The following IGFL2 variants were observed in gnomAD, a reference collection of about 807,000 sequenced individuals.
IGFL2 encodes the protein insulin growth factor-like family member 2.
In IGFL2, 7 loss-of-function variants were observed where a neutral mutation model predicts 13.9. The ratio of observed to expected loss-of-function variants is 0.51; its 90% CI spans 0.29 to 0.95. The LOEUF (loss-of-function observed/expected upper bound fraction) is 0.95. IGFL2 is among the 40% of genes least tolerant of loss of function. IGFL2 has a pLI of 0.08. For missense variants in IGFL2, 138 were observed against 147.8 expected, an observed-to-expected ratio of 0.93 and a Z score of 0.34; for synonymous variants, 55 against 55.8, an observed-to-expected ratio of 0.99 and a Z score of 0.07.
At chr19:46,105,877 C>T in the IGFL2 span, among the ~76,000 whole-genome samples, 1 of 152,042 alleles carries the variant, frequency 6.6e-6, no homozygotes, top group African/African-American at 2.4e-5. Flanking sequence ...GACTGCACAG[C>T]CCTGTACTTC....
intron 1 of IGFL2, among the ~76,000 whole-genome samples, chr19:46,155,173 G>T (rs976077605): frequency 6.6e-6 from 1 of 152,220 alleles, no homozygotes; most frequent in Admixed American, 6.5e-5. Context: ...AGGAGGAGGG[G>T]CTGGATGGGA....
upstream of IGFL2, chr19:46,148,174 G>A: frequency 9.9e-7 from 1 of 1,009,434 alleles, no homozygotes; most frequent in South Asian, 1.5e-5. Flanking sequence ...CAGTGCTTCT[G>A]GGCACCTCCC....
At chr19:46,102,471 C>T in the IGFL2 span, among the ~76,000 whole-genome samples, 1 of 152,022 alleles carries the variant, frequency 6.6e-6, no homozygotes, top group Non-Finnish European at 1.5e-5. Context: ...TACAAAGTAC[C>T]TTCTTAATGG....
chr19:46,168,659 G>A, the IGFL2 span, among the ~76,000 whole-genome samples: 1 of 152,086 alleles, frequency 6.6e-6, no homozygotes, highest in East Asian at 1.9e-4. Context: ...CAACCCCACT[G>A]CTTGTCCCCC....
At chr19:46,192,608 C>T in the IGFL2 span, among the ~76,000 whole-genome samples, 1 of 151,778 alleles carries the variant, frequency 6.6e-6, no homozygotes, top group Non-Finnish European at 1.5e-5. Flanking sequence ...TTAGTAGAGA[C>T]AGGGGTTTCA....
At chr19:46,112,185 A>T in the IGFL2 span, 1 of 152,234 alleles carries the variant, frequency 6.6e-6, no homozygotes, top group African/African-American at 2.4e-5. Context: ...TAGTAATTCA[A>T]CAAAACTGAG....
the IGFL2 span, among the ~76,000 whole-genome samples, chr19:46,127,376 GAGAA>G: frequency 1.2e-4 from 19 of 152,208 alleles, no homozygotes; most frequent in Non-Finnish European, 2.5e-4. Flanking sequence ...GAAGGAAGGA[GAGAA>G]AGAGAATAAG....
chr19:46,176,851 G>A, the IGFL2 span, among the ~76,000 whole-genome samples: 5 of 152,286 alleles, frequency 3.3e-5, no homozygotes, highest in East Asian at 9.7e-4. Flanking sequence ...AAGGCTGAAA[G>A]CACCATTTTC....
chr19:46,183,926 G>A, the IGFL2 span, among the ~76,000 whole-genome samples: 1 of 152,072 alleles, frequency 6.6e-6, no homozygotes, highest in African/African-American at 2.4e-5. Context: ...AATTTCTCCA[G>A]CCTTCTAGGT....
chr19:46,092,272 G>C, the IGFL2 span, among the ~76,000 whole-genome samples: 1 of 152,168 alleles, frequency 6.6e-6, no homozygotes, highest in Admixed American at 6.5e-5. Flanking sequence ...CGATTCTTCT[G>C]CCTCAGTCCC....
upstream of IGFL2, among the ~76,000 whole-genome samples, chr19:46,145,400 G>C (rs118109937): frequency 6.6e-6 from 1 of 151,416 alleles, no homozygotes; most frequent in African/African-American, 2.4e-5. Flanking sequence ...GCCCTCCCTC[G>C]TCCAGTCCAA....
At chr19:46,101,244 T>C in the IGFL2 span, 4 of 152,388 alleles carry the variant, frequency 2.6e-5, no homozygotes, top group African/African-American at 7.2e-5. Flanking sequence ...ACTCTAGTTG[T>C]CCCTTGGTGG....
At chr19:46,108,757 C>T in the IGFL2 span, among the ~76,000 whole-genome samples, 5 of 152,100 alleles carry the variant, frequency 3.3e-5, no homozygotes, top group Non-Finnish European at 7.4e-5. Flanking sequence ...GGCATCCCCA[C>T]AGTGATTAAA....
At chr19:46,129,936 A>C in the IGFL2 span, among the ~76,000 whole-genome samples, 1 of 152,134 alleles carries the variant, frequency 6.6e-6, no homozygotes, top group African/African-American at 2.4e-5. Context: ...TGACCTGATG[A>C]TCTGTCTAAT....
chr19:46,100,664 T>C, the IGFL2 span, among the ~76,000 whole-genome samples: 1 of 152,198 alleles, frequency 6.6e-6, no homozygotes, highest in African/African-American at 2.4e-5. Context: ...TCACTAGGAA[T>C]ATCCTTGTGG....
the IGFL2 span, among the ~76,000 whole-genome samples, chr19:46,115,020 C>T: frequency 1.3e-5 from 2 of 152,154 alleles, no homozygotes; most frequent in Non-Finnish European, 2.9e-5. Flanking sequence ...TTATCTTTCT[C>T]TGGCATTTGT....
the IGFL2 span, among the ~76,000 whole-genome samples, chr19:46,079,756 A>T: frequency 6.6e-6 from 1 of 152,062 alleles, no homozygotes; most frequent in South Asian, 2.1e-4. Context: ...TCCAGATGAA[A>T]TTGCCCTCAT....
At chr19:46,181,363 G>C in the IGFL2 span, 1 of 152,126 alleles carries the variant, frequency 6.6e-6, no homozygotes, top group Non-Finnish European at 1.5e-5. Context: ...TTATGGAAGG[G>C]GACTTGAATT....
the IGFL2 span, among the ~76,000 whole-genome samples, chr19:46,175,048 TAGAA>T: frequency 1.3e-5 from 2 of 152,170 alleles, no homozygotes; most frequent in Non-Finnish European, 2.9e-5. Flanking sequence ...ACAAGAATGA[TAGAA>T]GAGTTTTTAA....
Sources: gnomAD v4.1 joint callset for allele counts (sites outside exome capture counted in the v4.1 genomes callset) on GRCh38, gnomAD v4.1.1 for gene constraint, MANE v1.5 for transcripts, NCBI Gene and HGNC (gene_info 2026-07-23, HGNC 2026-07-21) for gene names.